The following PAFAH1B1 variants were observed in gnomAD, a reference collection of about 807,000 sequenced individuals.
PAFAH1B1 encodes the protein platelet-activating factor acetylhydrolase IB subunit beta.
In PAFAH1B1, 2 loss-of-function variants were observed where a neutral mutation model predicts 57.5. The ratio of observed to expected loss-of-function variants is 0.03; its 90% CI spans 0.01 to 0.11. The LOEUF (loss-of-function observed/expected upper bound fraction) is 0.11, where lower values mean the gene tolerates loss of function less well. Among genes scored for constraint, PAFAH1B1 ranks in the 10% least tolerant of loss-of-function variants. PAFAH1B1 has a pLI of 1.00. For missense variants in PAFAH1B1, 257 were observed against 512.0 expected, an observed-to-expected ratio of 0.50 and a Z score of 4.81; for synonymous variants, 152 against 169.6, an observed-to-expected ratio of 0.90 and a Z score of 0.81.
intron 1 of PAFAH1B1, among the ~76,000 whole-genome samples, chr17:2,605,329 T>C (rs1332202604): frequency 6.6e-6 from 1 of 152,170 alleles, no homozygotes; most frequent in East Asian, 1.9e-4. Flanking sequence ...AGGAGTTGTA[T>C]AGAATATTAC....
chr17:2,607,490 C>CT (rs984009285), intron 1 of PAFAH1B1, among the ~76,000 whole-genome samples: 160 of 143,604 alleles, frequency 1.1e-3, no homozygotes, highest in African/African-American at 1.9e-3. Context: ...TTTTCTTTTT[C>CT]TTTTTTTTTT....
chr17:2,657,146 T>C (rs977546605), intron 2 of PAFAH1B1, among the ~76,000 whole-genome samples: 11 of 152,360 alleles, frequency 7.2e-5, no homozygotes, highest in African/African-American at 2.4e-4. Flanking sequence ...GATTTATTGG[T>C]TGAAGGTTTG....
chr17:2,611,180 T>C (rs958016571), intron 1 of PAFAH1B1, among the ~76,000 whole-genome samples: 18 of 152,032 alleles, frequency 1.2e-4, no homozygotes, highest in Admixed American at 3.9e-4. Context: ...TTAAGAAATA[T>C]AGAAAAGGGC....
At chr17:2,595,891 A>G (rs2068079813) in intron 1 of PAFAH1B1, among the ~76,000 whole-genome samples, 1 of 152,152 alleles carries the variant, frequency 6.6e-6, no homozygotes, top group Non-Finnish European at 1.5e-5. Flanking sequence ...ATGGGCTAAT[A>G]TTTGTGGATG....
intron 1 of PAFAH1B1, among the ~76,000 whole-genome samples, chr17:2,597,403 C>CCTT (rs1555520384): frequency 3.1e-5 from 2 of 64,352 alleles, no homozygotes; most frequent in African/African-American, 1.3e-4. Context: ...ACATCCGTGT[C>CCTT]TTTTTTTTTT....
At chr17:2,638,040 A>G in intron 1 of PAFAH1B1, 59 bp from the exon 2 acceptor site, 1 of 487,794 alleles carries the variant, frequency 2.1e-6, no homozygotes, top group East Asian at 3.1e-5. Flanking sequence ...ACTGTAACTA[A>G]TAATTTAGAA....
At chr17:2,659,235 G>A (rs1337213501) in intron 2 of PAFAH1B1, among the ~76,000 whole-genome samples, 1 of 148,758 alleles carries the variant, frequency 6.7e-6, no homozygotes, top group African/African-American at 2.5e-5. Flanking sequence ...GACAGAATAA[G>A]ACTCCGTTTC....
chr17:2,679,614 ATGGATGAT>A (rs369109513), intron 9 of PAFAH1B1: 8,234 of 80,326 alleles, frequency 0.1, 646 homozygotes, highest in African/African-American at 0.18. Flanking sequence ...GGGTGGATGG[ATGGATGAT>A]TGGATGATTG....
At position 2,674,269 on chromosome 17, in the gene PAFAH1B1, C is replaced by T; in HGVS notation, c.881C>T (p.Ser294Phe). The change falls in exon 8 of 11, where the codon TCT becomes TTT. Residue 294 changes from serine (S) to phenylalanine (F), a missense_variant. Physicochemically the swap from Ser to Phe is radical, Grantham distance 155 (BLOSUM62 -2). Transcript: ENST00000397195. Reference protein sequence around the residue: ...WAPESSYSSISEATGSETKKS... With the variant: ...WAPESSYSSIFEATGSETKKS... Reference sequence around the variant, plus strand: ...CCAGAAAGCTCATATTCCTCCATCTCTGAAGCAACAGGATCTGAGGTACTG... The same window carrying T: ...CCAGAAAGCTCATATTCCTCCATCTTTGAAGCAACAGGATCTGAGGTACTG... 1.9e-6 allele frequency: 3 copies of T among 1,612,800 alleles called. No homozygotes were observed. Among genetic ancestry groups the T allele is most frequent in the Non-Finnish European group, 2.5e-6 (3 of 1,178,836 alleles).
At chr17:2,637,632 C>A (rs144738318) in intron 1 of PAFAH1B1, among the ~76,000 whole-genome samples, 2 of 152,252 alleles carry the variant, frequency 1.3e-5, no homozygotes, top group African/African-American at 4.8e-5. Flanking sequence ...AAATACCGGC[C>A]ATTCTAAGGT....
chr17:2,646,542 A>G (rs941403255), intron 2 of PAFAH1B1, among the ~76,000 whole-genome samples: 3 of 152,092 alleles, frequency 2.0e-5, no homozygotes, highest in African/African-American at 4.8e-5. Flanking sequence ...AATCCCCACT[A>G]CTCAGGAGCT....
chr17:2,659,082 C>T (rs2068978013), intron 2 of PAFAH1B1, among the ~76,000 whole-genome samples: 2 of 152,086 alleles, frequency 1.3e-5, no homozygotes, highest in South Asian at 4.1e-4. Flanking sequence ...AAAACCCCGT[C>T]TCTACTAAAA....
chr17:2,613,636 G>A, intron 1 of PAFAH1B1: 1 of 294,188 alleles, frequency 3.4e-6, no homozygotes, highest in Non-Finnish European at 6.9e-6. Context: ...GCTCCCTGAA[G>A]ACCTGAGTAT....
intron 1 of PAFAH1B1, among the ~76,000 whole-genome samples, chr17:2,603,228 A>C (rs2068166058): frequency 6.6e-6 from 1 of 152,036 alleles, no homozygotes; most frequent in African/African-American, 2.4e-5. Flanking sequence ...GGCTAACTAC[A>C]ACTCTGCAAA....
intron 1 of PAFAH1B1, among the ~76,000 whole-genome samples, chr17:2,631,162 A>G (rs759537173): frequency 7.9e-5 from 12 of 151,724 alleles, no homozygotes; most frequent in Non-Finnish European, 1.8e-4. Context: ...AATCACTAGA[A>G]CCCGGGAGGC....
Position 2,674,161 on chromosome 17 carries a change from T to C in PAFAH1B1, c.773T>C (p.Val258Ala). The C allele has an allele frequency of 6.2e-7, 1 of 1,614,044 alleles. No homozygotes were observed. The highest frequency in any genetic ancestry group is 8.5e-7 in the Non-Finnish European group (1 of 1,179,966). The change falls in exon 8 of 11, where the codon GTG becomes GCG. Residue 258 changes from valine to alanine, a missense_variant. Physicochemically the swap from Val to Ala is moderately conservative, Grantham distance 64. Transcript: ENST00000397195. ...GCCAGCTGTTCCAATGACCAGACTG[T>C]GCGTGTATGGGTCGTAGCAACAAAG... ...LIASCSNDQT[V>A]RVWVVATKEC...
chr17:2,655,181 A>ATGTG lies in PAFAH1B1; in HGVS notation c.33-10190_33-10189insGTGT, dbSNP rs1436866557. On this transcript the variant is annotated intron_variant, in intron 2 of 10. Coordinates refer to ENST00000397195, the MANE Select transcript of PAFAH1B1 (RefSeq NM_000430.4). The stretch of plus-strand genomic sequence containing the variant: ...TCATTTAAAAAATATATATATACAT[A>ATGTG]TATGTGTGTGTGTGTGTGTGTGTGT... 4.0e-3 allele frequency among the ~76,000 whole-genome samples: 492 copies of ATGTG among 122,730 alleles called. 2 individuals are homozygous for ATGTG. Among genetic ancestry groups the ATGTG allele is most frequent in the African/African-American group, 0.015 (463 of 30,312 alleles). The allele number at this position is 122,730 out of a possible 152,430, so 80.5% of individuals were successfully genotyped here.
At chr17:2,643,156 G>C (rs1227180818) in intron 2 of PAFAH1B1, among the ~76,000 whole-genome samples, 1 of 152,106 alleles carries the variant, frequency 6.6e-6, no homozygotes, top group East Asian at 1.9e-4. Context: ...GCAGTGGCAT[G>C]ATCATGGCTC....
chr17:2,601,696 C>T (rs544652973), intron 1 of PAFAH1B1, among the ~76,000 whole-genome samples: 3 of 152,312 alleles, frequency 2.0e-5, no homozygotes, highest in Non-Finnish European at 2.9e-5. Context: ...CCTGCCTCGG[C>T]CCCGCAAAGT....
Sources: allele counts gnomAD v4.1 joint callset (sites outside exome capture counted in the v4.1 genomes callset), GRCh38; gene constraint gnomAD v4.1.1; transcripts MANE v1.5; gene names NCBI Gene and HGNC (gene_info 2026-07-23, HGNC 2026-07-21).